The following NCKAP5 variants were observed in gnomAD, a reference collection of about 807,000 sequenced individuals.
The protein encoded by NCKAP5 is NCK associated protein 5, also known as nck-associated protein 5.
In NCKAP5, 92 loss-of-function variants were observed where a neutral mutation model predicts 167.0. The ratio of observed to expected loss-of-function variants is 0.55; its 90% CI spans 0.47 to 0.66. The LOEUF is 0.66. Ranked by LOEUF, NCKAP5 falls within the 30% of genes least tolerant of loss-of-function variation. The probability of loss-of-function intolerance (pLI) is 0.00; values close to 1 mark genes in which losing one functional copy is unlikely to be tolerated. For missense variants in NCKAP5, 2,378 were observed against 2,315.0 expected (o/e 1.03, Z -0.56); for synonymous variants, 891 against 877.4 (o/e 1.02, Z -0.27).
the NCKAP5 span, among the ~76,000 whole-genome samples, chr2:133,665,441 G>C: frequency 0.03 from 4,536 of 152,254 alleles, 236 homozygotes; most frequent in African/African-American, 0.1. Flanking sequence ...AGAATGGCAG[G>C]TTGGTGGAAC....
chr2:132,802,283 A>G (rs1685102634), intron 11 of NCKAP5, among the ~76,000 whole-genome samples: 1 of 152,066 alleles, frequency 6.6e-6, no homozygotes, highest in Non-Finnish European at 1.5e-5. Flanking sequence ...ATGTTTAGGG[A>G]TCACCCTCCC....
chr2:133,430,311 C>G (rs1298185394), intron 3 of NCKAP5, among the ~76,000 whole-genome samples: 1 of 152,022 alleles, frequency 6.6e-6, no homozygotes, highest in Non-Finnish European at 1.5e-5. Flanking sequence ...TATTTTCTCC[C>G]AATGTGTAGT....
the NCKAP5 span, among the ~76,000 whole-genome samples, chr2:133,603,214 T>C: frequency 1.5e-5 from 2 of 136,286 alleles, no homozygotes; most frequent in South Asian, 4.9e-4. Context: ...CGGTTTTTTT[T>C]TTTCTTTTTC....
At chr2:133,429,400 AC>A (rs1690015009) in intron 3 of NCKAP5, among the ~76,000 whole-genome samples, 1 of 151,960 alleles carries the variant, frequency 6.6e-6, no homozygotes, top group Non-Finnish European at 1.5e-5. Flanking sequence ...TGATCCTATC[AC>A]CCCAATAGTG....
intron 8 of NCKAP5, among the ~76,000 whole-genome samples, chr2:132,919,376 T>C (rs1237277048): frequency 6.6e-6 from 1 of 152,144 alleles, no homozygotes; most frequent in African/African-American, 2.4e-5. Flanking sequence ...GCAGAGACTG[T>C]GTCTGTCTAT....
rs895928224 is a variant in NCKAP5, at chr2:132,836,382, C to T, written c.807+24110G>A. On this transcript the variant is annotated intron_variant, in intron 11 of 19. Transcript: ENST00000409261. The stretch of plus-strand genomic sequence containing the variant: ...AAATGGCGCACTCCATGACCTCTTT[C>T]ATGAACAATCTCTTATTTTCCTAGG... Among the ~76,000 whole-genome samples the T allele has an allele frequency of 6.6e-5, 10 of 152,120 alleles. No individual in the cohort carries two copies. The East Asian group carries it at 1.9e-3, about 29-fold the overall frequency.
At chr2:132,908,958 T>C (rs1378907385) in intron 8 of NCKAP5, among the ~76,000 whole-genome samples, 1 of 152,208 alleles carries the variant, frequency 6.6e-6, no homozygotes, top group Non-Finnish European at 1.5e-5. Context: ...CACTGAACAG[T>C]GTCATAAGTT....
At chr2:132,949,895 A>C (rs1479335570) in intron 8 of NCKAP5, among the ~76,000 whole-genome samples, 3 of 152,160 alleles carry the variant, frequency 2.0e-5, no homozygotes, top group Non-Finnish European at 4.4e-5. Context: ...GGAGTTCGAC[A>C]CCAGCCTGGC....
chr2:133,572,844 G>A (rs935777781), upstream of NCKAP5, among the ~76,000 whole-genome samples: 1 of 152,148 alleles, frequency 6.6e-6, no homozygotes, highest in African/African-American at 2.4e-5. Flanking sequence ...TGTTTAGAAC[G>A]TGGCCCATGT....
At chr2:133,371,526 A>G (rs557227187) in intron 3 of NCKAP5, among the ~76,000 whole-genome samples, 1 of 152,320 alleles carries the variant, frequency 6.6e-6, no homozygotes, top group Non-Finnish European at 1.5e-5. Flanking sequence ...GAAGTTAGGA[A>G]CACACTTGTG....
intron 5 of NCKAP5, among the ~76,000 whole-genome samples, chr2:133,211,580 T>C (rs903825977): frequency 3.3e-5 from 5 of 152,206 alleles, no homozygotes; most frequent in Non-Finnish European, 5.9e-5. Context: ...GCTGCTTCTA[T>C]GTCCTAACAT....
intron 6 of NCKAP5, among the ~76,000 whole-genome samples, chr2:133,032,403 A>T (rs571792059): frequency 6.6e-6 from 1 of 152,298 alleles, no homozygotes; most frequent in African/African-American, 2.4e-5. Context: ...AGGAATGAGA[A>T]GGACTAGGTC....
chr2:133,524,016 C>T (rs1684678760), intron 2 of NCKAP5, among the ~76,000 whole-genome samples: 1 of 152,088 alleles, frequency 6.6e-6, no homozygotes, highest in Admixed American at 6.5e-5. Flanking sequence ...GGTTGGCAAC[C>T]ATCAGTTAAG....
intron 3 of NCKAP5, among the ~76,000 whole-genome samples, chr2:133,348,057 A>C (rs1684097253): frequency 6.6e-6 from 1 of 152,184 alleles, no homozygotes; most frequent in Admixed American, 6.5e-5. Context: ...CAGAGAGAAA[A>C]GGGATGTGGC....
Position 132,782,295 on chromosome 2 carries a change from A to C in NCKAP5, c.4516T>G (p.Phe1506Val). ...VEAKQKPGPS[F>V]ASWFGFRKSR... is the part of the protein sequence containing the mutation. Reference sequence around the variant, plus strand: ...TTCCGAAAACCAAACCAGCTGGCAAAAGAAGGCCCAGGCTTCTGCTTTGCT... The same window carrying C: ...TTCCGAAAACCAAACCAGCTGGCAACAGAAGGCCCAGGCTTCTGCTTTGCT... Residue 1506 changes from phenylalanine (F) to valine (V), a missense_variant, in exon 14 of 20, where the codon TTT (phenylalanine) becomes GTT (valine). By Grantham distance (50) the Phe-to-Val change is conservative (BLOSUM62 -1). Around this residue, in one of 3 missense-constraint regions of NCKAP5, gnomAD observed 1,325 missense variants for 1,274.5 expected, o/e 1.04. Transcript: ENST00000409261. The C allele has an allele frequency of 6.2e-7, 1 of 1,613,986 alleles. No homozygotes were observed. The highest frequency in any genetic ancestry group is 8.5e-7 in the Non-Finnish European group (1 of 1,179,884).
At chr2:133,215,374 T>C (rs1277933011) in intron 4 of NCKAP5, among the ~76,000 whole-genome samples, 3 of 152,156 alleles carry the variant, frequency 2.0e-5, no homozygotes, top group Non-Finnish European at 4.4e-5. Context: ...CAGAAACTGT[T>C]AAAAATGTAG....
chr2:132,731,772 G>T lies in NCKAP5; in HGVS notation c.5408C>A (p.Pro1803His). Residue 1803 changes from proline (P) to histidine (H), a missense_variant, in exon 17 of 20, where the codon CCT becomes CAT. Transcript: ENST00000409261. The part of the protein sequence containing the change: ...DPIMTARGMR[P>H]LQSRLPKPAS... ...TGGTTTGGGGAGGCGGCTCTGAAGA[G>T]GCCTCATCCCTCTGGCGGTCATGAT... 1 of 1,611,908 alleles carries T rather than the reference G, an allele frequency of 6.2e-7. No individual in the cohort carries two copies. Among genetic ancestry groups the T allele is most frequent in the Non-Finnish European group, 8.5e-7 (1 of 1,178,252 alleles).
intron 3 of NCKAP5, among the ~76,000 whole-genome samples, chr2:133,313,853 A>G (rs1456053721): frequency 6.6e-6 from 1 of 152,186 alleles, no homozygotes; most frequent in African/African-American, 2.4e-5. Flanking sequence ...GCCTTATATG[A>G]GTGAAAAGTC....
chr2:133,018,201 C>T (rs534739237), intron 6 of NCKAP5, among the ~76,000 whole-genome samples: 1 of 152,182 alleles, frequency 6.6e-6, no homozygotes, highest in Admixed American at 6.5e-5. Context: ...ACCCACCATG[C>T]AACCTGGGCG....
Sources: allele counts gnomAD v4.1 joint callset (sites outside exome capture counted in the v4.1 genomes callset), GRCh38; gene constraint gnomAD v4.1.1; regional missense constraint gnomAD v4.1.1; transcripts MANE v1.5; gene names NCBI Gene and HGNC (gene_info 2026-07-23, HGNC 2026-07-21).